The following AGL variants were observed in gnomAD, a reference collection of about 807,000 sequenced individuals.
The protein encoded by AGL is amylo-alpha-1,6-glucosidase and 4-alpha-glucanotransferase, also known as glycogen debranching enzyme.
A neutral mutation model predicts 199.3 loss-of-function variants in AGL; 128 were observed. The observed-to-expected ratio is 0.64, with a 90% CI of 0.56 to 0.74. The LOEUF (loss-of-function observed/expected upper bound fraction) is 0.74, where lower values mean the gene tolerates loss of function less well. Ranked by LOEUF, AGL falls within the 30% of genes least tolerant of loss-of-function variation. The pLI, the probability that AGL is intolerant of heterozygous loss-of-function variation, is 0.00. For missense variants in AGL, 1,809 were observed against 1,820.8 expected (o/e 0.99, Z 0.12); for synonymous variants, 584 against 594.7 (o/e 0.98, Z 0.26).
intron 7 of AGL, among the ~76,000 whole-genome samples, chr1:99,872,173 T>C (rs758291766): frequency 6.6e-6 from 1 of 152,188 alleles, no homozygotes; most frequent in Admixed American, 6.5e-5. Flanking sequence ...TCCAGTTTTT[T>C]CATTTTTCAT....
chr1:99,902,542 T>G (rs1653923684), intron 26 of AGL, 141 bp from the exon 27 acceptor site: 2 of 684,712 alleles, frequency 2.9e-6, no homozygotes, highest in African/African-American at 1.8e-5. Flanking sequence ...AGGAGCTGCT[T>G]CTTCCCTGGC....
intron 2 of AGL, among the ~76,000 whole-genome samples, chr1:99,855,607 C>G (rs536334172): frequency 3.9e-4 from 59 of 152,206 alleles, no homozygotes; most frequent in African/African-American, 1.4e-3. Context: ...TCAAGACCAG[C>G]CTGGCCAACA....
intron 25 of AGL, among the ~76,000 whole-genome samples, chr1:99,900,305 C>T (rs1653724589): frequency 6.6e-6 from 1 of 152,126 alleles, no homozygotes; most frequent in Non-Finnish European, 1.5e-5. Context: ...TTAATAGTTA[C>T]TTCGATTTTG....
At chr1:99,875,477 T>C (rs1285778965) in intron 10 of AGL, 22 bp downstream of exon 10, 2 of 1,600,228 alleles carry the variant, frequency 1.2e-6, no homozygotes, top group South Asian at 2.2e-5. Flanking sequence ...TTGTTTTTTT[T>C]CTTATTGATG....
rs536479960 is a variant in AGL, at chr1:99,877,573, T to G, written c.1424-68T>G. The G allele has an allele frequency of 5.6e-6, 8 of 1,420,806 alleles. No individual in the cohort carries two copies. The Admixed American group carries it at 1.2e-4, about 21-fold the overall frequency. The allele number at this position is 1,420,806 out of a possible 1,614,324, so 88.0% of individuals were successfully genotyped here. A position where few individuals can be genotyped will look rare whatever the true frequency, so the allele number is the denominator to read the frequency against. On this transcript the variant is annotated intron_variant, in intron 11 of 33. Coordinates refer to ENST00000361915, the MANE Select transcript of AGL (RefSeq NM_000642.3). ...ATGATCAAAGCAATTTAAAAACCAG[T>G]GTTTCCTTGAAGTAATTGTTTTCAT...
rs200023888 is a variant in AGL at position 99,891,263 on chromosome 1, G to T, written c.2856G>T (p.Leu952Phe). Residue 952 changes from leucine to phenylalanine, a missense_variant, in exon 22 of 34, where the codon TTG becomes TTT. Coordinates refer to ENST00000361915, the MANE Select transcript of AGL (RefSeq NM_000642.3). ...VLAEIRPKND[L>F]GHPFCNNLRS... is the part of the protein sequence containing the mutation. ...CAGAAATAAGACCAAAGAATGACTT[G>T]GGGCATCCTTTTTGTAATAATTTGA... 3 of 1,613,506 alleles carry T rather than the reference G, an allele frequency of 1.9e-6. No individual in the cohort carries two copies. Among genetic ancestry groups the T allele is most frequent in the Non-Finnish European group, 2.5e-6 (3 of 1,179,618 alleles).
intron 27 of AGL, among the ~76,000 whole-genome samples, chr1:99,907,740 A>T (rs1654426914): frequency 1.5e-5 from 2 of 129,570 alleles, no homozygotes; most frequent in South Asian, 4.7e-4. Context: ...GTGGTATCTA[A>T]TGGTTTTGAT....
intron 21 of AGL, 38 bp downstream of exon 21, chr1:99,888,146 CT>C: frequency 6.2e-7 from 1 of 1,608,292 alleles, no homozygotes; most frequent in Non-Finnish European, 8.5e-7. Context: ...TTGTGTTTTT[CT>C]TTTAGGGTCA....
chr1:99,902,469 A>G (rs1219345836), intron 26 of AGL, among the ~76,000 whole-genome samples: 1 of 152,208 alleles, frequency 6.6e-6, no homozygotes. Context: ...TATGTCACAG[A>G]CATGAATAGT....
intron 10 of AGL, among the ~76,000 whole-genome samples, chr1:99,876,138 G>T (rs1651514592): frequency 6.6e-6 from 1 of 152,040 alleles, no homozygotes; most frequent in Non-Finnish European, 1.5e-5. Flanking sequence ...GCCTCCGAAA[G>T]TTCTAGGATT....
chr1:99,873,264 T>C (rs373426358), intron 7 of AGL, among the ~76,000 whole-genome samples: 7 of 152,282 alleles, frequency 4.6e-5, no homozygotes, highest in African/African-American at 1.7e-4. Flanking sequence ...TTTATACTGA[T>C]TTGAAGTACC....
At chr1:99,860,783 G>A (rs540065722) in intron 2 of AGL, among the ~76,000 whole-genome samples, 7 of 152,244 alleles carry the variant, frequency 4.6e-5, no homozygotes, top group South Asian at 2.1e-4. Context: ...CCACTTCCAC[G>A]TTCAATGTTG....
intron 12 of AGL, among the ~76,000 whole-genome samples, chr1:99,878,551 T>G (rs1377328340): frequency 6.6e-6 from 1 of 152,050 alleles, no homozygotes; most frequent in Non-Finnish European, 1.5e-5. Flanking sequence ...TAATACAATC[T>G]TTGTAATTAA....
At chr1:99,866,332 C>A (rs529002520) in intron 5 of AGL, among the ~76,000 whole-genome samples, 1 of 152,268 alleles carries the variant, frequency 6.6e-6, no homozygotes, top group South Asian at 2.1e-4. Context: ...CATTCCTGGA[C>A]TAGGATGGTA....
chr1:99,893,790 T>C (rs948411453), intron 24 of AGL, among the ~76,000 whole-genome samples: 1 of 152,226 alleles, frequency 6.6e-6, no homozygotes, highest in African/African-American at 2.4e-5. Context: ...TTTTGCCTAT[T>C]CCATACTTGT....
intron 27 of AGL, among the ~76,000 whole-genome samples, chr1:99,909,259 G>A (rs1267104994): frequency 1.3e-5 from 2 of 152,124 alleles, no homozygotes; most frequent in Non-Finnish European, 2.9e-5. Flanking sequence ...GAAACACCCT[G>A]AGCTGCCTGC....
Position 99,851,041 on chromosome 1 carries a change from A to C in AGL, c.-2A>C. 6.2e-7 allele frequency: 1 copy of C among 1,613,630 alleles called. No homozygotes were observed. Among genetic ancestry groups the C allele is most frequent in the African/African-American group, 1.3e-5 (1 of 75,058 alleles). ...AAGATTTCAAATCCTCTAGAAGCCA[A>C]AATGGGACACAGTAAACAGATTCGA... On this transcript the variant is annotated 5_prime_UTR_variant, in exon 2 of 34. Coordinates refer to ENST00000361915, the MANE Select transcript of AGL (RefSeq NM_000642.3).
chr1:99,899,956 G>A (rs1653687403), intron 25 of AGL, among the ~76,000 whole-genome samples: 1 of 149,724 alleles, frequency 6.7e-6, no homozygotes, highest in East Asian at 2.0e-4. Flanking sequence ...TTTTGATAGA[G>A]TCTTGCTCTG....
At chr1:99,870,689 A>G in intron 6 of AGL, 69 bp from the exon 7 acceptor site, 3 of 1,439,792 alleles carry the variant, frequency 2.1e-6, no homozygotes, top group Non-Finnish European at 2.9e-6. Flanking sequence ...TATGATAAAC[A>G]GTATTTGCTT....
Sources: allele counts gnomAD v4.1 joint callset (sites outside exome capture counted in the v4.1 genomes callset), GRCh38; gene constraint gnomAD v4.1.1; transcripts MANE v1.5; gene names NCBI Gene and HGNC (gene_info 2026-07-23, HGNC 2026-07-21).